The following SCNN1B variants were observed in gnomAD, a reference collection of about 807,000 sequenced individuals.
The protein encoded by SCNN1B is epithelial sodium channel subunit beta.
In SCNN1B, 46 loss-of-function variants were observed where a neutral mutation model predicts 65.3. The ratio of observed to expected loss-of-function variants is 0.70; its 90% confidence interval spans 0.56 to 0.90. The LOEUF is 0.90. Among genes scored for constraint, SCNN1B ranks in the 40% least tolerant of loss-of-function variants. SCNN1B has a pLI of 0.00. For synonymous variants in SCNN1B, 349 were observed against 330.6 expected, an observed-to-expected ratio of 1.06 and a Z score of -0.60; for missense variants, 751 against 830.5, an observed-to-expected ratio of 0.90 and a Z score of 1.18.
intron 2 of SCNN1B, among the ~76,000 whole-genome samples, chr16:23,294,659 G>A (rs1472410772): frequency 6.6e-6 from 1 of 151,858 alleles, no homozygotes; most frequent in African/African-American, 2.4e-5. Flanking sequence ...CCTCCTTTAG[G>A]TCCTTGTTCA....
chr16:23,376,185 C>T (rs1440699623), intron 8 of SCNN1B, among the ~76,000 whole-genome samples: 1 of 152,230 alleles, frequency 6.6e-6, no homozygotes, highest in Non-Finnish European at 1.5e-5. Context: ...GAGTGTGTGC[C>T]TGCACTCATG....
chr16:23,355,225 G>A (rs903370374), intron 3 of SCNN1B, 74 bp from the exon 4 acceptor site: 12 of 1,467,562 alleles, frequency 8.2e-6, no homozygotes, highest in Middle Eastern at 1.7e-4. Context: ...GCCCTGCTAG[G>A]GCCCTCGAGC....
chr16:23,365,620 A>AGAAAGAAAG (rs11399911), intron 4 of SCNN1B, among the ~76,000 whole-genome samples: 808 of 80,456 alleles, frequency 0.01, 16 homozygotes, highest in South Asian at 0.055. Context: ...AAAGAAAGAA[A>AGAAAGAAAG]AAAGAAAGAA....
chr16:23,305,291 T>G (rs1454719294), intron 1 of SCNN1B, among the ~76,000 whole-genome samples: 1 of 151,736 alleles, frequency 6.6e-6, no homozygotes, highest in Non-Finnish European at 1.5e-5. Context: ...ATTTTTAGAT[T>G]ATTCCCAAGA....
In SCNN1B at chr16:23,353,365, G is replaced by C. The variant is rs1962352240; in HGVS notation, c.585+291G>C. 5 of 474,284 alleles carry C rather than the reference G, an allele frequency of 1.1e-5. No homozygotes were observed. In the South Asian group the frequency reaches 1.1e-4, roughly 10 times the overall value. 29.4% of individuals were successfully genotyped at this position (474,284 alleles called of 1,614,324 possible). A position where few individuals can be genotyped will look rare whatever the true frequency, so the allele number is the denominator to read the frequency against. Reference sequence around the variant, plus strand: ...CTGCATTCAGGCAAGGCTGGATCCAGGTATTCTAATGAGGTCATCAGGAAT... The same window carrying C: ...CTGCATTCAGGCAAGGCTGGATCCACGTATTCTAATGAGGTCATCAGGAAT... On this transcript the variant is annotated intron_variant, in intron 3 of 12. Transcript: ENST00000343070.
At chr16:23,305,877 A>G (rs1961206707) in intron 1 of SCNN1B, among the ~76,000 whole-genome samples, 1 of 151,934 alleles carries the variant, frequency 6.6e-6, no homozygotes, top group Non-Finnish European at 1.5e-5. Context: ...ATTCATAAAG[A>G]GCAGCTAATA....
intron 7 of SCNN1B, among the ~76,000 whole-genome samples, chr16:23,373,059 A>G (rs952482311): frequency 6.6e-6 from 1 of 152,114 alleles, no homozygotes; most frequent in Non-Finnish European, 1.5e-5. Context: ...GTGAGCTGAT[A>G]TCACGCCACT....
In SCNN1B at chr16:23,305,579, AT is replaced by A. The variant is rs1251097762; in HGVS notation, c.-9+3143del. ...ATATATATATATATATATATATATT[AT>A]ATATATATATATATATATAACCTGG... On this transcript the variant is annotated intron_variant, in intron 1 of 12. Transcript: ENST00000343070. Among the ~76,000 whole-genome samples, 12 of 22,554 alleles carry A rather than the reference AT, an allele frequency of 5.3e-4. No homozygotes were observed. The African/African-American group carries it at 8.5e-3, about 16-fold the overall frequency. The allele number at this position is 22,554 out of a possible 152,430, so 14.8% of individuals were successfully genotyped here.
At chr16:23,368,663 A>C (rs550099964) in intron 5 of SCNN1B, among the ~76,000 whole-genome samples, 7 of 152,340 alleles carry the variant, frequency 4.6e-5, no homozygotes, top group Admixed American at 4.6e-4. Context: ...AGTAAATAGT[A>C]TAAGCCTTGT....
chr16:23,359,554 G>A (rs1205091260), intron 4 of SCNN1B, among the ~76,000 whole-genome samples: 2 of 152,200 alleles, frequency 1.3e-5, no homozygotes, highest in Non-Finnish European at 2.9e-5. Context: ...GTGGGAATGT[G>A]CCTCTCTGCT....
rs532154168 is a variant in SCNN1B at position 23,381,153 on chromosome 16, G to A, written c.*352G>A. ...CCATCCACCCCAGAGAGGAACAGGC[G>A]GGTGGGCCATGTGGTTTTCTCCTTC... On this transcript the variant is annotated 3_prime_UTR_variant, in exon 13 of 13. Transcript: ENST00000343070. The A allele has an allele frequency of 2.2e-5, 8 of 356,606 alleles. No individual in the cohort carries two copies. Among genetic ancestry groups the A allele is most frequent in the Admixed American group, 8.4e-5 (2 of 23,692 alleles). 22.1% of individuals were successfully genotyped at this position (356,606 alleles called of 1,614,324 possible).
Position 23,380,544 on chromosome 16 carries a change from G to C in SCNN1B, c.1666G>C (p.Val556Leu). ...TGTGTGGATCACCATCATCAAGCTGGTGGCCTTGGCCAAGAGCCTACGGCA... is the reference window on the plus strand; with the variant it reads ...TGTGTGGATCACCATCATCAAGCTGCTGGCCTTGGCCAAGAGCCTACGGCA... Reference protein sequence around the residue: ...DFVWITIIKLVALAKSLRQRR... With the variant: ...DFVWITIIKLLALAKSLRQRR... Residue 556 changes from valine (V) to leucine (L), a missense_variant, in exon 13 of 13, where the codon GTG (valine) becomes CTG (leucine). Val to Leu is a conservative substitution (Grantham distance 32, BLOSUM62 1). Coordinates refer to ENST00000343070, the MANE Select transcript of SCNN1B (RefSeq NM_000336.3). This position sits in a 1 kb window ranked among gnomAD's most constrained non-coding sequence, Gnocchi z 5.4. The C allele has an allele frequency of 6.2e-7, 1 of 1,614,162 alleles. No homozygotes were observed. The highest frequency in any genetic ancestry group is 8.5e-7 in the Non-Finnish European group (1 of 1,180,020).
At position 23,306,184 on chromosome 16, in the gene SCNN1B, G is replaced by A. The variant is rs1227394600; in HGVS notation, c.-9+3747G>A. Among the ~76,000 whole-genome samples, 7 of 151,406 alleles carry A rather than the reference G, an allele frequency of 4.6e-5. No individual in the cohort carries two copies. The South Asian group carries it at 8.3e-4, about 18-fold the overall frequency. ...CTTGAACCCAGAAGGTGGAGATTGC[G>A]ATGAGCCGAGATTGCATCGTTGCAC... is the stretch of plus-strand genomic sequence containing the variant. On this transcript the variant is annotated intron_variant, in intron 1 of 12. Coordinates refer to ENST00000343070, the MANE Select transcript of SCNN1B (RefSeq NM_000336.3).
intron 1 of SCNN1B, among the ~76,000 whole-genome samples, chr16:23,279,278 C>T: frequency 6.6e-6 from 1 of 152,118 alleles, no homozygotes; most frequent in East Asian, 1.9e-4. Flanking sequence ...CGGGTTTTCA[C>T]CATGTTGGCC....
intron 1 of SCNN1B, among the ~76,000 whole-genome samples, chr16:23,316,555 TATCACCATCCTCACCATCACCACC>T: frequency 1.3e-5 from 1 of 77,642 alleles, no homozygotes; most frequent in African/African-American, 5.4e-5. Flanking sequence ...TCACAACCAT[TATCACCATCCTCACCATCACCACC>T]ATCACCATCT....
At chr16:23,288,680 C>T (rs1960884734) in intron 2 of SCNN1B, among the ~76,000 whole-genome samples, 2 of 152,030 alleles carry the variant, frequency 1.3e-5, no homozygotes, top group African/African-American at 2.4e-5. Flanking sequence ...GTGGTGGTAC[C>T]CACCTGTGGT....
intron 5 of SCNN1B, among the ~76,000 whole-genome samples, chr16:23,369,522 G>A (rs1406538696): frequency 1.3e-5 from 2 of 152,154 alleles, no homozygotes; most frequent in Non-Finnish European, 2.9e-5. Flanking sequence ...AGAGGGGCTG[G>A]TGGACTCAGG....
intron 1 of SCNN1B, among the ~76,000 whole-genome samples, chr16:23,316,220 A>T (rs1335243690): frequency 6.6e-6 from 1 of 150,788 alleles, no homozygotes; most frequent in African/African-American, 2.5e-5. Flanking sequence ...CCTCACCATC[A>T]CCACCATCAG....
At chr16:23,378,118 C>G (rs1012925185) in intron 10 of SCNN1B, among the ~76,000 whole-genome samples, 3 of 152,184 alleles carry the variant, frequency 2.0e-5, no homozygotes, top group Non-Finnish European at 4.4e-5. Flanking sequence ...AAGTGATGCT[C>G]CTGCCTCAGC....
Sources: gnomAD v4.1 joint callset for allele counts (sites outside exome capture counted in the v4.1 genomes callset) on GRCh38, gnomAD v4.1.1 for gene constraint, Gnocchi (gnomAD v3.1) non-coding constraint, MANE v1.5 for transcripts, NCBI Gene and HGNC (gene_info 2026-07-23, HGNC 2026-07-21) for gene names.